RC3H1: variants seen among roughly 807,000 people sequenced by gnomAD.
RC3H1 encodes roquin-1.
In RC3H1, 50 loss-of-function variants were observed where a neutral mutation model predicts 138.2. The observed-to-expected ratio is 0.36, with a 90% confidence interval of 0.29 to 0.46. The LOEUF (loss-of-function observed/expected upper bound fraction) is 0.46, where lower values mean the gene tolerates loss of function less well. RC3H1 is among the 20% of genes least tolerant of loss of function. The pLI, the probability that RC3H1 is intolerant of heterozygous loss-of-function variation, is 1.00. For missense variants in RC3H1, 1,031 were observed against 1,388.1 expected, an observed-to-expected ratio of 0.74 and a Z score of 4.09; for synonymous variants, 462 against 489.1, an observed-to-expected ratio of 0.94 and a Z score of 0.73.
At chr1:173,959,159 G>GA (rs11396952) in intron 13 of RC3H1, among the ~76,000 whole-genome samples, 43,932 of 151,928 alleles carry the variant, frequency 0.29, 11,361 homozygotes, top group African/African-American at 0.7. Context: ...TTAAAAAGGG[G>GA]AAAAAGATTA....
intron 1 of RC3H1, among the ~76,000 whole-genome samples, chr1:174,019,052 A>T (rs754315349): frequency 6.6e-6 from 1 of 152,200 alleles, no homozygotes; most frequent in African/African-American, 2.4e-5. Context: ...TTAATTATTT[A>T]AAAAAATTTA....
chr1:173,989,083 T>C (rs1332222814), intron 2 of RC3H1, among the ~76,000 whole-genome samples: 1 of 152,252 alleles, frequency 6.6e-6, no homozygotes, highest in African/African-American at 2.4e-5. Context: ...AGCTACAGCG[T>C]AGTGCTGCGA....
chr1:174,020,135 G>GAAAA (rs11393317), intron 1 of RC3H1, among the ~76,000 whole-genome samples: 17 of 145,218 alleles, frequency 1.2e-4, no homozygotes, highest in African/African-American at 3.3e-4. Flanking sequence ...AATTAGCACA[G>GAAAA]AAAAAAAAAA....
intron 18 of RC3H1, among the ~76,000 whole-genome samples, chr1:173,942,410 G>T (rs1280751974): frequency 8.6e-6 from 1 of 116,038 alleles, no homozygotes; most frequent in Non-Finnish European, 1.5e-5. Flanking sequence ...TCCACCCTGG[G>T]TGACAGAGAC....
At chr1:173,960,703 AT>A (rs1331144902) in intron 13 of RC3H1, among the ~76,000 whole-genome samples, 3 of 152,228 alleles carry the variant, frequency 2.0e-5, no homozygotes, top group Admixed American at 6.5e-5. Flanking sequence ...GAGACTTATT[AT>A]AAAACTATAC....
intron 7 of RC3H1, among the ~76,000 whole-genome samples, chr1:173,973,911 A>G (rs925355065): frequency 2.1e-4 from 32 of 152,222 alleles, no homozygotes; most frequent in African/African-American, 7.2e-4. Flanking sequence ...TAAAACAAAA[A>G]TCCCCATTAT....
chr1:173,964,086 G>GGTTT lies in RC3H1; in HGVS notation c.1714_1717dup (p.Pro573GlnfsTer33). 1 of 1,614,078 alleles carries GGTTT rather than the reference G, an allele frequency of 6.2e-7. No homozygotes were observed. The highest frequency in any genetic ancestry group is 8.5e-7 in the Non-Finnish European group (1 of 1,179,970). The stretch of plus-strand genomic sequence containing the variant: ...AGAACCTCGAGGTACCATCTGAAGT[G>GGTTT]GTTTGGTAACAGGCATTGGAGGCAG... On this transcript the variant is annotated frameshift_variant, in exon 11 of 20. Coordinates refer to ENST00000367696, the MANE Select transcript of RC3H1 (RefSeq NM_172071.4). LOFTEE classifies it high-confidence loss of function.
chr1:173,990,552 TAAGAA>T (rs1347411941), intron 2 of RC3H1, among the ~76,000 whole-genome samples: 1 of 151,040 alleles, frequency 6.6e-6, no homozygotes, highest in Non-Finnish European at 1.5e-5. Flanking sequence ...CTTACGTGTG[TAAGAA>T]AAGTATTATT....
chr1:174,017,908 G>A (rs780593098), intron 1 of RC3H1, among the ~76,000 whole-genome samples: 1 of 141,862 alleles, frequency 7.0e-6, no homozygotes, highest in African/African-American at 2.9e-5. Flanking sequence ...GTAATAATCA[G>A]TGAAGGTATA....
intron 13 of RC3H1, among the ~76,000 whole-genome samples, chr1:173,955,279 A>G (rs1659587459): frequency 6.7e-6 from 1 of 148,956 alleles, no homozygotes; most frequent in African/African-American, 2.5e-5. Context: ...AACAACAACA[A>G]CAACAACAAC....
At chr1:173,972,697 AAG>A (rs1660416369) in intron 7 of RC3H1, 70 bp from the exon 8 acceptor site, 6 of 994,636 alleles carry the variant, frequency 6.0e-6, no homozygotes, top group African/African-American at 3.2e-5. Context: ...AAATTAATAA[AAG>A]AGTTACTTGA....
At chr1:173,998,706 A>C (rs539693593) in intron 1 of RC3H1, among the ~76,000 whole-genome samples, 1 of 152,342 alleles carries the variant, frequency 6.6e-6, no homozygotes, top group East Asian at 1.9e-4. Context: ...CCACTTTCTT[A>C]AATCTCTAAA....
chr1:173,962,147 T>C, intron 11 of RC3H1, 52 bp from the exon 12 acceptor site: 1 of 1,503,790 alleles, frequency 6.6e-7, no homozygotes, highest in Non-Finnish European at 9.0e-7. Context: ...AATTTAGTTT[T>C]CTATGTAAGA....
rs79260102 is a variant in RC3H1, at chr1:173,939,485, C to T, written c.3252-614G>A. ...GGCAGAGGTTTCACTGAGCCAAGAT[C>T]GCACCACTACACTCCAGCCTGGGTG... is the stretch of plus-strand genomic sequence containing the variant. On this transcript the variant is annotated intron_variant, in intron 19 of 19. Coordinates refer to ENST00000367696, the MANE Select transcript of RC3H1 (RefSeq NM_172071.4). Among the ~76,000 whole-genome samples the T allele has an allele frequency of 1.9e-4, 26 of 138,380 alleles. No homozygotes were observed. The East Asian group carries it at 3.5e-3, about 19-fold the overall frequency. The allele number at this position is 138,380 out of a possible 152,430, so 90.8% of individuals were successfully genotyped here.
At chr1:173,992,037 C>T (rs1462918799) in intron 2 of RC3H1, among the ~76,000 whole-genome samples, 2 of 152,174 alleles carry the variant, frequency 1.3e-5, no homozygotes, top group African/African-American at 2.4e-5. Context: ...TTAATGTCTA[C>T]TGAGTAAAAC....
At chr1:173,959,158 G>A (rs1659764188) in intron 13 of RC3H1, among the ~76,000 whole-genome samples, 1 of 128,318 alleles carries the variant, frequency 7.8e-6, no homozygotes. Flanking sequence ...ATTAAAAAGG[G>A]GAAAAAGATT....
At chr1:174,007,040 A>T (rs1661665521) in intron 1 of RC3H1, among the ~76,000 whole-genome samples, 2 of 152,042 alleles carry the variant, frequency 1.3e-5, no homozygotes, top group Non-Finnish European at 2.9e-5. Context: ...TTCTTCCCCA[A>T]ATATCACTAC....
chr1:173,942,779 G>A (rs1049313565), intron 18 of RC3H1, among the ~76,000 whole-genome samples: 1 of 151,484 alleles, frequency 6.6e-6, no homozygotes, highest in African/African-American at 2.4e-5. Context: ...GCAATGAGCC[G>A]AGATCGCACC....
At chr1:173,967,361 C>T (rs1660166789) in intron 9 of RC3H1, among the ~76,000 whole-genome samples, 1 of 152,124 alleles carries the variant, frequency 6.6e-6, no homozygotes. Context: ...TACTTGCACC[C>T]TGTGTGAATA....
Sources: allele counts gnomAD v4.1 joint callset (sites outside exome capture counted in the v4.1 genomes callset), GRCh38; gene constraint gnomAD v4.1.1; transcripts MANE v1.5; gene names NCBI Gene and HGNC (gene_info 2026-07-23, HGNC 2026-07-21).